RBKS: variants seen among roughly 807,000 people sequenced by gnomAD.
The protein encoded by RBKS is ribokinase.
A neutral mutation model predicts 33.9 loss-of-function variants in RBKS; 33 were observed. The observed-to-expected ratio is 0.97, with a 90% CI of 0.74 to 1.30. The LOEUF (loss-of-function observed/expected upper bound fraction) is 1.30. Among genes scored for constraint, RBKS ranks in the 50% most tolerant of loss-of-function variants. The probability of loss-of-function intolerance (pLI) is 0.00; values close to 1 mark genes in which losing one functional copy is unlikely to be tolerated. For synonymous variants in RBKS, 125 were observed against 143.0 expected, an observed-to-expected ratio of 0.87 and a Z score of 0.90; for missense variants, 361 against 392.6, an observed-to-expected ratio of 0.92 and a Z score of 0.68.
At chr2:27,844,914 G>T (rs990193076) in intron 4 of RBKS, among the ~76,000 whole-genome samples, 1 of 152,086 alleles carries the variant, frequency 6.6e-6, no homozygotes, top group Non-Finnish European at 1.5e-5. Context: ...CGGGCTGCTC[G>T]TGCTGATCTT....
chr2:27,876,964 G>A (rs1366025083), intron 1 of RBKS, among the ~76,000 whole-genome samples: 6 of 152,026 alleles, frequency 3.9e-5, no homozygotes, highest in Non-Finnish European at 8.8e-5. Context: ...TTTGTCTCTT[G>A]CAAATCCAGT....
At chr2:27,885,208 A>G (rs1664505003) in intron 1 of RBKS, among the ~76,000 whole-genome samples, 1 of 152,126 alleles carries the variant, frequency 6.6e-6, no homozygotes, top group Non-Finnish European at 1.5e-5. Flanking sequence ...TACCCCAAAA[A>G]TATAATAGAA....
At position 27,788,426 on chromosome 2, in the gene RBKS, C is replaced by A. The variant is rs145475878; in HGVS notation, c.796-6638G>T. Reference sequence around the variant, plus strand: ...GGTCACTATAAAAAACCAACTGCAGCCAGGCGCGGTGGCTCACGCCTGTAA... The same window carrying A: ...GGTCACTATAAAAAACCAACTGCAGACAGGCGCGGTGGCTCACGCCTGTAA... On this transcript the variant is annotated intron_variant, in intron 7 of 7. Transcript: ENST00000302188. Among the ~76,000 whole-genome samples, 243 of 152,314 alleles carry A rather than the reference C, an allele frequency of 1.6e-3. 1 individual carries two copies. Among genetic ancestry groups the A allele is most frequent in the African/African-American group, 5.7e-3 (235 of 41,568 alleles).
chr2:27,785,361 A>G (rs1263072980), intron 7 of RBKS, among the ~76,000 whole-genome samples: 1 of 152,246 alleles, frequency 6.6e-6, no homozygotes, highest in Admixed American at 6.5e-5. Context: ...ACTGCTAGGA[A>G]AAAGACAAAT....
At chr2:27,887,020 A>G (rs1664546277) in intron 1 of RBKS, among the ~76,000 whole-genome samples, 1 of 152,208 alleles carries the variant, frequency 6.6e-6, no homozygotes, top group Admixed American at 6.5e-5. Flanking sequence ...CCACATCCAA[A>G]TCCCCAGAAT....
intron 6 of RBKS, among the ~76,000 whole-genome samples, chr2:27,828,355 A>G (rs375622258): frequency 2.6e-5 from 4 of 152,098 alleles, no homozygotes; most frequent in East Asian, 1.9e-4. Flanking sequence ...GGAAAGGGCC[A>G]CTGCCAAGAA....
rs183237284 is a variant in RBKS, at chr2:27,790,335, A to G, written c.796-8547T>C. Among the ~76,000 whole-genome samples the G allele has an allele frequency of 4.9e-4, 75 of 152,330 alleles. 2 individuals are homozygous for G. In the Middle Eastern group the frequency reaches 0.017, roughly 35 times the overall value. ...CAAAATGGGTCACAAACCTAAATGT[A>G]AGAGTTGAAACAACAAACTTCTAGA... On this transcript the variant is annotated intron_variant, in intron 7 of 7. Coordinates refer to ENST00000302188, the MANE Select transcript of RBKS (RefSeq NM_022128.3).
rs1677282908 is a variant in RBKS at position 27,781,544 on chromosome 2, G to C, written c.*71C>G. On this transcript the variant is annotated 3_prime_UTR_variant, in exon 8 of 8. Coordinates refer to ENST00000302188, the MANE Select transcript of RBKS (RefSeq NM_022128.3). ...AGGGGACGAGGACATTTTCTAATAA[G>C]CATTAGCCAGGAGCAGCCACCCCCA... is the stretch of plus-strand genomic sequence containing the variant. The C allele has an allele frequency of 4.9e-6, 6 of 1,214,152 alleles. No individual in the cohort carries two copies. Among genetic ancestry groups the C allele is most frequent in the Middle Eastern group, 2.6e-4 (1 of 3,784 alleles). 75.2% of individuals were successfully genotyped at this position (1,214,152 alleles called of 1,614,324 possible).
At position 27,835,263 on chromosome 2, in the gene RBKS, C is replaced by T. The variant is rs149567132; in HGVS notation, c.515-2486G>A. Reference sequence around the variant, plus strand: ...TGCACTCCAGCCTGGGCAACAAGAGCGAAACTCTGTCTCAAAAAAAAAAAA... The same window carrying T: ...TGCACTCCAGCCTGGGCAACAAGAGTGAAACTCTGTCTCAAAAAAAAAAAA... On this transcript the variant is annotated intron_variant, in intron 5 of 7. Transcript: ENST00000302188. 1.1e-4 allele frequency among the ~76,000 whole-genome samples: 16 copies of T among 139,316 alleles called. No homozygotes were observed. The East Asian group carries it at 2.5e-3, about 22-fold the overall frequency. The allele number at this position is 139,316 out of a possible 152,430, so 91.4% of individuals were successfully genotyped here. A position where few individuals can be genotyped will look rare whatever the true frequency, so the allele number is the denominator to read the frequency against.
At chr2:27,835,521 T>C (rs1290543901) in intron 5 of RBKS, among the ~76,000 whole-genome samples, 1 of 132,156 alleles carries the variant, frequency 7.6e-6, no homozygotes, top group East Asian at 2.5e-4. Flanking sequence ...CAGACTCAAG[T>C]GATCCTCCCA....
At chr2:27,885,863 GAATGAATAAT>G (rs1664517792) in intron 1 of RBKS, among the ~76,000 whole-genome samples, 7 of 152,166 alleles carry the variant, frequency 4.6e-5, no homozygotes, top group African/African-American at 1.7e-4. Context: ...AATATTTCTT[GAATGAATAAT>G]TAAAAAAATG....
chr2:27,868,194 T>G (rs979712482), intron 1 of RBKS, among the ~76,000 whole-genome samples: 4 of 152,220 alleles, frequency 2.6e-5, no homozygotes, highest in Non-Finnish European at 5.9e-5. Context: ...ATTAGAAGGA[T>G]AAATCAGCAT....
intron 1 of RBKS, among the ~76,000 whole-genome samples, chr2:27,871,801 T>C (rs1664217416): frequency 6.6e-6 from 1 of 152,020 alleles, no homozygotes; most frequent in Non-Finnish European, 1.5e-5. Context: ...ACTGATAGGG[T>C]TTTGATATAA....
At chr2:27,862,752 C>G (rs1463812376) in intron 1 of RBKS, among the ~76,000 whole-genome samples, 1 of 152,038 alleles carries the variant, frequency 6.6e-6, no homozygotes, top group Non-Finnish European at 1.5e-5. Context: ...TCTGTTAAAC[C>G]CAGACTAAGA....
chr2:27,847,118 G>A lies in RBKS; in HGVS notation c.287-14C>T. 6.7e-7 allele frequency: 1 copy of A among 1,500,298 alleles called. No homozygotes were observed. Among genetic ancestry groups the A allele is most frequent in the Non-Finnish European group, 9.3e-7 (1 of 1,078,046 alleles). The allele number at this position is 1,500,298 out of a possible 1,614,324, so 92.9% of individuals were successfully genotyped here. ...GATATGTAAATTCTGAAAGAAAAAA[G>A]AAAATTACAATCACATGTATACAGG... is the stretch of plus-strand genomic sequence containing the variant. On this transcript the variant is annotated splice_polypyrimidine_tract_variant and intron_variant, in intron 3 of 7. Transcript: ENST00000302188.
At chr2:27,818,264 A>T (rs1188599907) in intron 7 of RBKS, among the ~76,000 whole-genome samples, 1 of 152,156 alleles carries the variant, frequency 6.6e-6, no homozygotes, top group East Asian at 1.9e-4. Flanking sequence ...ATTTCATTTA[A>T]ACGAGGCTGC....
At chr2:27,793,558 A>C (rs757278179) in intron 7 of RBKS, among the ~76,000 whole-genome samples, 1 of 152,228 alleles carries the variant, frequency 6.6e-6, no homozygotes, top group African/African-American at 2.4e-5. Context: ...TACATTCTAC[A>C]AAACAATGAG....
At chr2:27,826,188 A>AT (rs1286114526) in intron 7 of RBKS, among the ~76,000 whole-genome samples, 1 of 152,158 alleles carries the variant, frequency 6.6e-6, no homozygotes, top group Non-Finnish European at 1.5e-5. Context: ...GCACTTGAAT[A>AT]TTTTTCAAAG....
intron 1 of RBKS, among the ~76,000 whole-genome samples, chr2:27,865,912 A>G (rs1431577780): frequency 6.6e-6 from 1 of 152,154 alleles, no homozygotes; most frequent in African/African-American, 2.4e-5. Context: ...AAACGTCACA[A>G]TACTGTTATT....
Sources: gnomAD v4.1 joint callset for allele counts (sites outside exome capture counted in the v4.1 genomes callset) on GRCh38, gnomAD v4.1.1 for gene constraint, MANE v1.5 for transcripts, NCBI Gene and HGNC (gene_info 2026-07-23, HGNC 2026-07-21) for gene names.